The following UST variants were observed in gnomAD, a reference collection of about 807,000 sequenced individuals.
UST encodes the protein chondroitin sulfate 2-O-sulfotransferase.
Under a neutral mutation model 45.6 loss-of-function variants are expected in UST, and 21 were observed. The observed-to-expected ratio is 0.46, with a 90% CI of 0.33 to 0.66. UST has a LOEUF of 0.66. UST is among the 30% of genes least tolerant of loss of function. The pLI, the probability that UST is intolerant of heterozygous loss-of-function variation, is 0.02. For missense variants in UST, 463 were observed against 512.4 expected, an observed-to-expected ratio of 0.90 and a Z score of 0.93; for synonymous variants, 215 against 200.6, an observed-to-expected ratio of 1.07 and a Z score of -0.61.
intron 7 of UST, among the ~76,000 whole-genome samples, chr6:149,042,330 A>G (rs1293729876): frequency 6.6e-6 from 1 of 152,188 alleles, no homozygotes; most frequent in East Asian, 1.9e-4. Flanking sequence ...AATACAGGTG[A>G]TGTGATGTGA....
chr6:149,044,718 C>T (rs554136930), intron 7 of UST, among the ~76,000 whole-genome samples: 34 of 152,204 alleles, frequency 2.2e-4, no homozygotes, highest in African/African-American at 5.8e-4. Flanking sequence ...GAATGCTGGG[C>T]GCAGCTGAAA....
chr6:149,058,519 A>G lies in UST; in HGVS notation c.938-15314A>G, dbSNP rs1281804408. Among the ~76,000 whole-genome samples, 4 of 152,324 alleles carry G rather than the reference A, an allele frequency of 2.6e-5. No individual in the cohort carries two copies. In the East Asian group the frequency reaches 5.8e-4, roughly 22 times the overall value. ...ATAAAGCAAAAGCAGAGCTTATGAA[A>G]TTGTCAGATACCAAAAGAATTTAGA... On this transcript the variant is annotated intron_variant, in intron 7 of 7. Transcript: ENST00000367463.
At chr6:148,997,954 C>T (rs1008002993) in intron 5 of UST, among the ~76,000 whole-genome samples, 3 of 152,194 alleles carry the variant, frequency 2.0e-5, no homozygotes, top group African/African-American at 7.2e-5. Flanking sequence ...AAATAATCCA[C>T]AAACATGCTG....
Position 148,957,391 on chromosome 6 carries a change from A to G in UST, c.527+3440A>G, listed in dbSNP as rs571890255. On this transcript the variant is annotated intron_variant, in intron 4 of 7. Coordinates refer to ENST00000367463, the MANE Select transcript of UST (RefSeq NM_005715.3). ...TTTATCTAAGGAAAATTTCTCTGTCAATATGCAATTGACAGAGAAAAACAA... is the reference window on the plus strand; with the variant it reads ...TTTATCTAAGGAAAATTTCTCTGTCGATATGCAATTGACAGAGAAAAACAA... Among the ~76,000 whole-genome samples, 161 of 152,328 alleles carry G rather than the reference A, an allele frequency of 1.1e-3. 1 individual carries two copies. The highest frequency in any genetic ancestry group is 3.7e-3 in the African/African-American group (153 of 41,588).
intron 1 of UST, among the ~76,000 whole-genome samples, chr6:148,779,070 T>C (rs1005056505): frequency 2.0e-5 from 3 of 151,692 alleles, no homozygotes; most frequent in Admixed American, 6.6e-5. Flanking sequence ...GACTTCTCTC[T>C]TTTTCTCTCC....
chr6:148,875,689 A>T (rs949575684), intron 1 of UST, among the ~76,000 whole-genome samples: 1 of 152,252 alleles, frequency 6.6e-6, no homozygotes, highest in Admixed American at 6.5e-5. Context: ...CTGTAGTCCC[A>T]GATACTCGGG....
intron 1 of UST, among the ~76,000 whole-genome samples, chr6:148,766,679 A>G (rs1776330564): frequency 6.6e-6 from 1 of 152,204 alleles, no homozygotes; most frequent in African/African-American, 2.4e-5. Context: ...GGCCCTGTTG[A>G]TGCTAGTAGA....
chr6:149,071,777 TAAAAACAAAC>T (rs1776821653), intron 7 of UST, among the ~76,000 whole-genome samples: 1 of 151,664 alleles, frequency 6.6e-6, no homozygotes. Context: ...AACTCAACAA[TAAAAACAAAC>T]AAAAGCAAAC....
intron 2 of UST, among the ~76,000 whole-genome samples, chr6:148,930,612 C>T (rs76822074): frequency 0.073 from 11,131 of 152,118 alleles, 449 homozygotes; most frequent in South Asian, 0.14. Context: ...GAGGTGAAGC[C>T]CCCACATGCA....
chr6:148,949,395 AAATAAT>A (rs71007932), intron 3 of UST, among the ~76,000 whole-genome samples: 22,559 of 136,652 alleles, frequency 0.17, 2,077 homozygotes, highest in Non-Finnish European at 0.21. Flanking sequence ...CTTTGTCTCA[AAATAAT>A]AATAATAATA....
At chr6:148,925,219 G>T (rs1779788997) in intron 2 of UST, among the ~76,000 whole-genome samples, 1 of 152,134 alleles carries the variant, frequency 6.6e-6, no homozygotes, top group South Asian at 2.1e-4. Flanking sequence ...AAAAAGTCCA[G>T]AAGAGCCCAC....
chr6:149,049,344 A>G (rs1776444729), intron 7 of UST, among the ~76,000 whole-genome samples: 1 of 152,232 alleles, frequency 6.6e-6, no homozygotes, highest in African/African-American at 2.4e-5. Context: ...ATGATGTGAC[A>G]TGAAGTAAAG....
chr6:148,846,475 A>G (rs1777993644), intron 1 of UST, among the ~76,000 whole-genome samples: 1 of 152,090 alleles, frequency 6.6e-6, no homozygotes, highest in South Asian at 2.1e-4. Flanking sequence ...GAAGGATAGC[A>G]TTAGGAGATA....
intron 7 of UST, among the ~76,000 whole-genome samples, chr6:149,068,453 A>C (rs1163991469): frequency 6.6e-6 from 1 of 152,256 alleles, no homozygotes; most frequent in Admixed American, 6.5e-5. Flanking sequence ...CTTGCTACAC[A>C]TTAGTTCCCA....
At chr6:148,875,404 A>G (rs1188976602) in intron 1 of UST, among the ~76,000 whole-genome samples, 2 of 152,230 alleles carry the variant, frequency 1.3e-5, no homozygotes, top group African/African-American at 4.8e-5. Context: ...GTAATAGAAA[A>G]TATCAAATAA....
At chr6:148,899,183 T>G (rs539315161) in intron 2 of UST, among the ~76,000 whole-genome samples, 12 of 129,482 alleles carry the variant, frequency 9.3e-5, no homozygotes, top group African/African-American at 3.2e-4. Flanking sequence ...CACTGCAAGC[T>G]CCGCCTCCCG....
intron 5 of UST, among the ~76,000 whole-genome samples, chr6:148,992,483 A>AAAAC (rs1339506723): frequency 3.3e-4 from 51 of 152,330 alleles, no homozygotes; most frequent in African/African-American, 1.2e-3. Flanking sequence ...CAAAAAACAA[A>AAAAC]AAACAAAAAC....
At chr6:149,011,670 G>A (rs938683031) in intron 5 of UST, among the ~76,000 whole-genome samples, 14 of 152,136 alleles carry the variant, frequency 9.2e-5, no homozygotes, top group Admixed American at 3.3e-4. Context: ...AACTAGCCGG[G>A]TGTGGGTGGC....
chr6:148,845,795 T>C (rs1016787578), intron 1 of UST, among the ~76,000 whole-genome samples: 2 of 152,220 alleles, frequency 1.3e-5, no homozygotes, highest in Non-Finnish European at 2.9e-5. Context: ...AGTTTTATGC[T>C]ACTTTAAAAT....
Sources: allele counts gnomAD v4.1 joint callset (sites outside exome capture counted in the v4.1 genomes callset), GRCh38; gene constraint gnomAD v4.1.1; transcripts MANE v1.5; gene names NCBI Gene and HGNC (gene_info 2026-07-23, HGNC 2026-07-21).